The following PARP14 variants were observed in gnomAD, a reference collection of about 807,000 sequenced individuals.
PARP14 encodes poly(ADP-ribose) polymerase family member 14.
PARP14 carries 59 observed loss-of-function variants against 154.2 expected under a neutral mutation model. The ratio of observed to expected loss-of-function variants is 0.38; its 90% CI spans 0.31 to 0.48. The LOEUF is 0.48. Ranked by LOEUF, PARP14 falls within the 20% of genes least tolerant of loss-of-function variation. The pLI is 0.98. For missense variants in PARP14, 1,734 were observed against 2,131.6 expected (o/e 0.81, Z 3.67); for synonymous variants, 720 against 780.5 (o/e 0.92, Z 1.29).
chr3:122,683,559 C>T (rs55676269), intron 1 of PARP14, among the ~76,000 whole-genome samples: 24,018 of 152,112 alleles, frequency 0.16, 2,153 homozygotes, highest in Non-Finnish European at 0.2. Context: ...TGGTTGTTGT[C>T]GGGTTCCTTG....
rs771058275 is a variant in PARP14 at position 122,728,629 on chromosome 3, C to T, written c.*32C>T. Reference sequence around the variant, plus strand: ...GGTATCCTTCCCACAAAATTATTCTCCATTTGTACATATCTAGTTGTAAAA... The same window carrying T: ...GGTATCCTTCCCACAAAATTATTCTTCATTTGTACATATCTAGTTGTAAAA... On this transcript the variant is annotated 3_prime_UTR_variant, in exon 17 of 17. Coordinates refer to ENST00000474629, the MANE Select transcript of PARP14 (RefSeq NM_017554.3). 3 of 1,541,418 alleles carry T rather than the reference C, an allele frequency of 1.9e-6. No homozygotes were observed. In the African/African-American group the frequency reaches 4.1e-5, roughly 21 times the overall value.
rs1323724617 is a variant in PARP14 at position 122,681,686 on chromosome 3, G to A, written c.187+616G>A. Among the ~76,000 whole-genome samples the A allele has an allele frequency of 6.6e-6, 1 of 152,182 alleles. No individual in the cohort carries two copies. Among genetic ancestry groups the A allele is most frequent in the African/African-American group, 2.4e-5 (1 of 41,436 alleles). On this transcript the variant is annotated intron_variant, in intron 1 of 16. Coordinates refer to ENST00000474629, the MANE Select transcript of PARP14 (RefSeq NM_017554.3). This position sits in a 1 kb window ranked among gnomAD's most constrained non-coding sequence, Gnocchi z 5.5. ...CCGGGGCCTCTTCTCCGAGTCTCTA[G>A]TGGCCCTCAGATTGGGAGCAAGGAT... is the stretch of plus-strand genomic sequence containing the variant.
intron 4 of PARP14, among the ~76,000 whole-genome samples, chr3:122,693,738 G>A (rs1384413397): frequency 2.6e-5 from 4 of 151,988 alleles, no homozygotes; most frequent in African/African-American, 9.7e-5. Flanking sequence ...CTACTCAGGA[G>A]GCTGAGGTGG....
At chr3:122,706,064 T>C (rs1939143427) in intron 8 of PARP14, among the ~76,000 whole-genome samples, 2 of 152,244 alleles carry the variant, frequency 1.3e-5, no homozygotes, top group African/African-American at 4.8e-5. Context: ...CATGAAGTGC[T>C]GTTTTTGAAT....
At position 122,727,836 on chromosome 3, in the gene PARP14, C is replaced by G; in HGVS notation, c.4966C>G (p.Leu1656Val). Residue 1656 changes from leucine (L) to valine (V), a missense_variant, in exon 16 of 17, where the codon CTC becomes GTC. Coordinates refer to ENST00000474629, the MANE Select transcript of PARP14 (RefSeq NM_017554.3). ...GATTGAGAGGATCCAGAATCCAGAT[C>G]TCTGGAATAGCTACCAGGCAAAGAA... ...EKIERIQNPD[L>V]WNSYQAKKKT... 1.9e-6 allele frequency: 3 copies of G among 1,609,062 alleles called. No homozygotes were observed. The highest frequency in any genetic ancestry group is 2.5e-6 in the Non-Finnish European group (3 of 1,176,802).
In PARP14 at chr3:122,729,452, G is replaced by C. The variant is rs973856943; in HGVS notation, c.*855G>C. On this transcript the variant is annotated 3_prime_UTR_variant, in exon 17 of 17. Coordinates refer to ENST00000474629, the MANE Select transcript of PARP14 (RefSeq NM_017554.3). ...AATGTGCCTTTTTTTTTTTTTTTTTGAGATGGAGTTTCACTCTTGTTGCCC... is the reference window on the plus strand; with the variant it reads ...AATGTGCCTTTTTTTTTTTTTTTTTCAGATGGAGTTTCACTCTTGTTGCCC... The C allele has an allele frequency of 4.6e-5, 3 of 65,776 alleles. No homozygotes were observed. The highest frequency in any genetic ancestry group is 1.0e-4 in the Non-Finnish European group (3 of 29,202). The allele number at this position is 65,776 out of a possible 1,614,324, so 4.1% of individuals were successfully genotyped here. A position where few individuals can be genotyped will look rare whatever the true frequency, so the allele number is the denominator to read the frequency against.
chr3:122,682,225 G>A (rs1560042474), intron 1 of PARP14, among the ~76,000 whole-genome samples: 1 of 152,278 alleles, frequency 6.6e-6, no homozygotes, highest in East Asian at 1.9e-4. Context: ...TCTCTTTTGG[G>A]TGTCACTTTT....
rs1237275713 is a variant in PARP14 at position 122,730,487 on chromosome 3, A to AG, written c.*1895dup. 1 of 152,174 alleles carries AG rather than the reference A, an allele frequency of 6.6e-6. No homozygotes were observed. Among genetic ancestry groups the AG allele is most frequent in the Non-Finnish European group, 1.5e-5 (1 of 68,012 alleles). 9.4% of individuals were successfully genotyped at this position (152,174 alleles called of 1,614,324 possible). A position where few individuals can be genotyped will look rare whatever the true frequency, so the allele number is the denominator to read the frequency against. ...ACCTGTACTTGAAGTGGAGGAGGCT[A>AG]GGGGGCCACAGTTGCTGCTTCATTA... On this transcript the variant is annotated 3_prime_UTR_variant, in exon 17 of 17. Coordinates refer to ENST00000474629, the MANE Select transcript of PARP14 (RefSeq NM_017554.3).
Position 122,701,986 on chromosome 3 carries a change from C to T in PARP14, c.3081+351C>T, listed in dbSNP as rs190532192. ...TAAGACTAATTTCCTAATTTACTGA[C>T]AGCAGATACAGAACAATCAGAGCAT... On this transcript the variant is annotated intron_variant, in intron 6 of 16. Transcript: ENST00000474629. This position sits in a 1 kb window ranked among gnomAD's most constrained non-coding sequence, Gnocchi z 4.0. Among the ~76,000 whole-genome samples, 93 of 152,276 alleles carry T rather than the reference C, an allele frequency of 6.1e-4. No individual in the cohort carries two copies. Among genetic ancestry groups the T allele is most frequent in the African/African-American group, 1.9e-3 (80 of 41,538 alleles).
intron 3 of PARP14, among the ~76,000 whole-genome samples, chr3:122,688,351 G>A (rs536698261): frequency 5.3e-5 from 8 of 152,106 alleles, no homozygotes; most frequent in Non-Finnish European, 8.8e-5. Context: ...CCTTAACTCT[G>A]TCTTAACTGA....
intron 1 of PARP14, among the ~76,000 whole-genome samples, chr3:122,684,259 C>T (rs1245612102): frequency 6.6e-6 from 1 of 152,168 alleles, no homozygotes; most frequent in Non-Finnish European, 1.5e-5. Flanking sequence ...TCAAAAACTC[C>T]TTTTTTCCCT....
intron 1 of PARP14, among the ~76,000 whole-genome samples, chr3:122,683,688 T>A (rs1159574176): frequency 6.6e-6 from 1 of 152,168 alleles, no homozygotes; most frequent in Admixed American, 6.5e-5. Flanking sequence ...AGCTTTTTCC[T>A]CCCAGATTGA....
chr3:122,705,655 C>T (rs375945674), intron 8 of PARP14, among the ~76,000 whole-genome samples: 8 of 152,188 alleles, frequency 5.3e-5, no homozygotes, highest in African/African-American at 1.9e-4. Flanking sequence ...GTTTGAAAAG[C>T]TCCCAAGGTA....
intron 5 of PARP14, among the ~76,000 whole-genome samples, chr3:122,698,269 C>T (rs1286680302): frequency 6.6e-6 from 1 of 152,250 alleles, no homozygotes; most frequent in Non-Finnish European, 1.5e-5. Context: ...TTATTTTTAA[C>T]ATCTTTCCAC....
At chr3:122,720,055 CT>C (rs151330692) in intron 14 of PARP14, among the ~76,000 whole-genome samples, 199 bp from the exon 15 acceptor site, 5,049 of 152,072 alleles carry the variant, frequency 0.033, 112 homozygotes, top group Middle Eastern at 0.088. Context: ...TGTGGCTTTC[CT>C]TTTTTTTGTT....
At chr3:122,702,570 G>A (rs1323729933) in intron 6 of PARP14, among the ~76,000 whole-genome samples, 5 of 152,142 alleles carry the variant, frequency 3.3e-5, no homozygotes, top group African/African-American at 1.2e-4. Context: ...CCATGCGGCA[G>A]ATTCTAGGAT....
intron 15 of PARP14, among the ~76,000 whole-genome samples, chr3:122,724,439 C>T (rs1933236317): frequency 6.7e-6 from 1 of 149,684 alleles, no homozygotes; most frequent in Admixed American, 6.6e-5. Context: ...GCTGGGGCTA[C>T]AGGCACATGC....
chr3:122,715,639 T>G (rs550092497), intron 12 of PARP14, among the ~76,000 whole-genome samples: 2 of 149,720 alleles, frequency 1.3e-5, no homozygotes, highest in African/African-American at 4.9e-5. Context: ...TCTATCTATC[T>G]ATCTATCTAT....
At chr3:122,683,557 G>A (rs1938280081) in intron 1 of PARP14, among the ~76,000 whole-genome samples, 1 of 152,134 alleles carries the variant, frequency 6.6e-6, no homozygotes, top group Admixed American at 6.5e-5. Flanking sequence ...CCTGGTTGTT[G>A]TCGGGTTCCT....
Sources: gnomAD v4.1 joint callset for allele counts (sites outside exome capture counted in the v4.1 genomes callset) on GRCh38, gnomAD v4.1.1 for gene constraint, Gnocchi (gnomAD v3.1) non-coding constraint, MANE v1.5 for transcripts, NCBI Gene and HGNC (gene_info 2026-07-23, HGNC 2026-07-21) for gene names.